Variants in PHF20 observed in about 807,000 individuals in gnomAD.
PHF20 encodes PHD finger protein 20.
PHF20 carries 23 observed loss-of-function variants against 113.5 expected under a neutral mutation model. The observed-to-expected ratio is 0.20, with a 90% CI of 0.15 to 0.29. PHF20 has a LOEUF of 0.29. Ranked by LOEUF, PHF20 falls within the 10% of genes least tolerant of loss-of-function variation. PHF20 has a pLI of 1.00. For missense variants in PHF20, 943 were observed against 1,219.6 expected (o/e 0.77, Z 3.38); for synonymous variants, 434 against 457.3 (o/e 0.95, Z 0.65).
chr20:35,944,334 G>C (rs574383446), intron 17 of PHF20, among the ~76,000 whole-genome samples: 131 of 152,292 alleles, frequency 8.6e-4, no homozygotes, highest in Middle Eastern at 3.4e-3. Flanking sequence ...CTACTGAGTG[G>C]CTTAGACTCT....
At position 35,803,485 on chromosome 20, in the gene PHF20, G is replaced by A. The variant is rs569674435; in HGVS notation, c.83+1880G>A. Among the ~76,000 whole-genome samples, 69 of 151,064 alleles carry A rather than the reference G, an allele frequency of 4.6e-4. 1 individual carries two copies. The South Asian group carries it at 7.4e-3, about 16-fold the overall frequency. Reference sequence around the variant, plus strand: ...ATTACAGGCATGCACCACGATGCCCGGCCAATTTTTTGTATTTTTAGTAGA... The same window carrying A: ...ATTACAGGCATGCACCACGATGCCCAGCCAATTTTTTGTATTTTTAGTAGA... On this transcript the variant is annotated intron_variant, in intron 2 of 17. Transcript: ENST00000374012.
chr20:35,786,958 A>G (rs1018704629), intron 1 of PHF20, among the ~76,000 whole-genome samples: 8 of 148,274 alleles, frequency 5.4e-5, no homozygotes, highest in Non-Finnish European at 1.5e-5. Flanking sequence ...CTATATACCC[A>G]TTGAGGTGGA....
chr20:35,809,848 G>T (rs938210710), intron 2 of PHF20, among the ~76,000 whole-genome samples: 1 of 152,178 alleles, frequency 6.6e-6, no homozygotes, highest in Non-Finnish European at 1.5e-5. Context: ...GCTGATAGCC[G>T]CAGGTGGCAG....
chr20:35,785,278 G>T (rs2041385557), intron 1 of PHF20, among the ~76,000 whole-genome samples: 1 of 151,998 alleles, frequency 6.6e-6, no homozygotes, highest in Non-Finnish European at 1.5e-5. Flanking sequence ...AATAATAAAG[G>T]CTAGGAATAA....
chr20:35,862,300 T>A (rs1270901613), intron 5 of PHF20, among the ~76,000 whole-genome samples: 1 of 152,204 alleles, frequency 6.6e-6, no homozygotes, highest in African/African-American at 2.4e-5. Context: ...TGTTTTTCTA[T>A]AGACAAGACA....
intron 3 of PHF20, among the ~76,000 whole-genome samples, chr20:35,843,644 G>A (rs2042571515): frequency 6.6e-6 from 1 of 151,824 alleles, no homozygotes; most frequent in Non-Finnish European, 1.5e-5. Flanking sequence ...ATGCAGTGGT[G>A]CAATCATGGC....
At chr20:35,928,370 C>T (rs913120111) in intron 14 of PHF20, among the ~76,000 whole-genome samples, 2 of 127,600 alleles carry the variant, frequency 1.6e-5, no homozygotes, top group African/African-American at 2.9e-5. Context: ...ACCCAGGTGG[C>T]GGAGGTTGCA....
intron 2 of PHF20, among the ~76,000 whole-genome samples, chr20:35,823,129 C>T (rs2042199368): frequency 6.6e-6 from 1 of 151,648 alleles, no homozygotes; most frequent in African/African-American, 2.4e-5. Flanking sequence ...TGTCAAAATC[C>T]ATAAAAGTTA....
chr20:35,847,382 C>T lies in PHF20; in HGVS notation c.288C>T (p.Cys96=). ...AAATAAATGAGCAGGTCCTTGCTTG[C>T]TGGTCTGATTGTCGTTTTTACCCGG... The part of the protein sequence containing the change: ...EFQINEQVLA[C]WSDCRFYPAK... The change falls in exon 4 of 18, where the codon TGC becomes TGT. Residue 96 remains cysteine (C), a synonymous_variant. Coordinates refer to ENST00000374012, the MANE Select transcript of PHF20 (RefSeq NM_016436.5). The T allele has an allele frequency of 6.2e-7, 1 of 1,608,532 alleles. No individual in the cohort carries two copies. Among genetic ancestry groups the T allele is most frequent in the Non-Finnish European group, 8.5e-7 (1 of 1,176,974 alleles).
intron 9 of PHF20, 153 bp downstream of exon 9, chr20:35,871,982 A>G (rs999522436): frequency 2.0e-6 from 1 of 496,168 alleles, no homozygotes; most frequent in African/African-American, 2.0e-5. Flanking sequence ...TTCATTTCTG[A>G]TTTTGATAAT....
At chr20:35,859,078 C>T (rs1418796600) in intron 5 of PHF20, among the ~76,000 whole-genome samples, 1 of 152,180 alleles carries the variant, frequency 6.6e-6, no homozygotes, top group Non-Finnish European at 1.5e-5. Context: ...CCATCTAGCT[C>T]TGTCTTTTAG....
At chr20:35,883,395 G>C (rs879030146) in intron 9 of PHF20, among the ~76,000 whole-genome samples, 2 of 152,168 alleles carry the variant, frequency 1.3e-5, no homozygotes, top group African/African-American at 4.8e-5. Context: ...GTTAGCTAGA[G>C]TGGCACACTT....
chr20:35,873,639 T>G (rs2054467819), intron 9 of PHF20, among the ~76,000 whole-genome samples: 2 of 152,082 alleles, frequency 1.3e-5, no homozygotes, highest in Non-Finnish European at 2.9e-5. Flanking sequence ...CGGCTAATTT[T>G]TGTATTTTTT....
chr20:35,885,930 G>T (rs886909290), intron 9 of PHF20, among the ~76,000 whole-genome samples: 1 of 151,920 alleles, frequency 6.6e-6, no homozygotes, highest in African/African-American at 2.4e-5. Context: ...CTGCCAAATG[G>T]TGATATCTAA....
chr20:35,810,597 G>A (rs2041960001), intron 2 of PHF20, among the ~76,000 whole-genome samples: 1 of 152,146 alleles, frequency 6.6e-6, no homozygotes, highest in African/African-American at 2.4e-5. Flanking sequence ...TCAGAGAGAT[G>A]AAGTTATTTG....
intron 15 of PHF20, among the ~76,000 whole-genome samples, chr20:35,934,619 C>T (rs2055828553): frequency 6.6e-6 from 1 of 151,770 alleles, no homozygotes; most frequent in Admixed American, 6.6e-5. Flanking sequence ...CCCCAGTCCC[C>T]AGGAGGGGGA....
Position 35,938,782 on chromosome 20 carries a change from C to T in PHF20, c.2386C>T (p.Pro796Ser), listed in dbSNP as rs185047544. The change falls in exon 16 of 18, where the codon CCT becomes TCT. Residue 796 changes from proline to serine, a missense_variant. Coordinates refer to ENST00000374012, the MANE Select transcript of PHF20 (RefSeq NM_016436.5). ...GEGRSHFRNI[P>S]VTDTRSKEEA... ...GGGGAGATCTCATTTCAGAAACATCCCTGTCACTGACACCAGGAGCAAGGA... is the reference window on the plus strand; with the variant it reads ...GGGGAGATCTCATTTCAGAAACATCTCTGTCACTGACACCAGGAGCAAGGA... 5.6e-6 allele frequency: 9 copies of T among 1,614,124 alleles called. No individual in the cohort carries two copies. In the Admixed American group the frequency reaches 1.3e-4, roughly 24 times the overall value.
At chr20:35,849,338 C>A in intron 4 of PHF20, 1 of 426,994 alleles carries the variant, frequency 2.3e-6, no homozygotes, top group Non-Finnish European at 4.7e-6. Context: ...GCTTAGTAAT[C>A]TACTGTTTAG....
At chr20:35,907,310 G>A (rs559274450) in intron 10 of PHF20, among the ~76,000 whole-genome samples, 93 of 152,194 alleles carry the variant, frequency 6.1e-4, no homozygotes, top group Non-Finnish European at 1.1e-3. Context: ...TGCAGCTTGG[G>A]GAGAGGACAA....
Sources: gnomAD v4.1 joint callset for allele counts (sites outside exome capture counted in the v4.1 genomes callset) on GRCh38, gnomAD v4.1.1 for gene constraint, MANE v1.5 for transcripts, NCBI Gene and HGNC (gene_info 2026-07-23, HGNC 2026-07-21) for gene names.